Variants in GINS1 observed in about 807,000 individuals in gnomAD.
GINS1 encodes the protein GINS complex subunit 1, also known as DNA replication complex GINS protein PSF1.
A neutral mutation model predicts 34.9 loss-of-function variants in GINS1; 26 were observed. The observed-to-expected ratio is 0.74, with a 90% CI of 0.55 to 1.03. GINS1 has a LOEUF of 1.03. Ranked by LOEUF, GINS1 falls within the 50% of genes least tolerant of loss-of-function variation. The probability of loss-of-function intolerance (pLI) is 0.00; values close to 1 mark genes in which losing one functional copy is unlikely to be tolerated. For synonymous variants in GINS1, 97 were observed against 84.4 expected (o/e 1.15, Z -0.82); for missense variants, 235 against 237.9 (o/e 0.99, Z 0.08).
intron 5 of GINS1, among the ~76,000 whole-genome samples, chr20:25,441,211 G>C (rs1235371486): frequency 2.0e-5 from 3 of 152,172 alleles, no homozygotes; most frequent in African/African-American, 7.2e-5. Context: ...GGTGGCATCT[G>C]CTCCTCCATG....
chr20:25,419,422 C>T (rs903769719), intron 4 of GINS1, among the ~76,000 whole-genome samples: 6 of 151,948 alleles, frequency 3.9e-5, no homozygotes, highest in African/African-American at 1.4e-4. Flanking sequence ...GTTGTCATAG[C>T]TTCATTTTCA....
At chr20:25,442,037 G>A (rs2090484804) in intron 6 of GINS1, among the ~76,000 whole-genome samples, 1 of 152,114 alleles carries the variant, frequency 6.6e-6, no homozygotes. Context: ...ACCATAATCA[G>A]CCTTATTCTG....
chr20:25,426,259 T>G (rs1471659550), intron 5 of GINS1, among the ~76,000 whole-genome samples: 1 of 152,164 alleles, frequency 6.6e-6, no homozygotes, highest in Non-Finnish European at 1.5e-5. Context: ...GTATCTGTGG[T>G]AAGAATTTGT....
chr20:25,448,549 CTCCT>C lies in GINS1; in HGVS notation c.*2564_*2567del, dbSNP rs2090525297. 6.6e-6 allele frequency: 1 copy of C among 152,194 alleles called. No homozygotes were observed. The highest frequency in any genetic ancestry group is 6.5e-5 in the Admixed American group (1 of 15,274). 9.4% of individuals were successfully genotyped at this position (152,194 alleles called of 1,614,324 possible). A position where few individuals can be genotyped will look rare whatever the true frequency, so the allele number is the denominator to read the frequency against. The stretch of plus-strand genomic sequence containing the variant: ...TGTGTTCTATGAATAAAGAGTTTTA[CTCCT>C]TCCTTTCTAATCTGAATGCCTTTTA... On this transcript the variant is annotated 3_prime_UTR_variant, in exon 7 of 7. Transcript: ENST00000262460.
At chr20:25,414,502 A>G (rs1464655026) in intron 2 of GINS1, among the ~76,000 whole-genome samples, 4 of 152,158 alleles carry the variant, frequency 2.6e-5, no homozygotes, top group Admixed American at 2.0e-4. Context: ...AGTTGAGGCC[A>G]GGAGCCTGGA....
intron 5 of GINS1, among the ~76,000 whole-genome samples, chr20:25,436,674 A>T (rs2090456480): frequency 6.6e-6 from 1 of 151,898 alleles, no homozygotes; most frequent in Non-Finnish European, 1.5e-5. Flanking sequence ...CTATTTCTCT[A>T]CTATTTCCAT....
intron 5 of GINS1, among the ~76,000 whole-genome samples, chr20:25,429,258 G>A (rs573410447): frequency 1.4e-4 from 21 of 152,090 alleles, no homozygotes; most frequent in East Asian, 9.7e-4. Context: ...CCAGAGTGCC[G>A]GATTACAGGC....
intron 6 of GINS1, among the ~76,000 whole-genome samples, chr20:25,445,612 G>T (rs372420447): frequency 3.3e-5 from 5 of 152,166 alleles, no homozygotes; most frequent in Admixed American, 6.5e-5. Flanking sequence ...CTCCCAAAGT[G>T]CTGGGATTAT....
chr20:25,440,810 CAAAAAAAAA>C lies in GINS1; in HGVS notation c.448-878_448-870del, dbSNP rs60014594. Among the ~76,000 whole-genome samples the C allele has an allele frequency of 4.0e-3, 278 of 69,112 alleles. 1 individual carries two copies. The highest frequency in any genetic ancestry group is 0.01 in the African/African-American group (264 of 25,600). 45.3% of individuals were successfully genotyped at this position (69,112 alleles called of 152,430 possible). ...TGGGCAACAGAGCAAGACTCTGTCT[CAAAAAAAAA>C]AAAAAAAAAAAAAGAAAGAAAAAAC... On this transcript the variant is annotated intron_variant, in intron 5 of 6. Coordinates refer to ENST00000262460, the MANE Select transcript of GINS1 (RefSeq NM_021067.5).
At chr20:25,429,440 C>T (rs1196224496) in intron 5 of GINS1, among the ~76,000 whole-genome samples, 2 of 152,164 alleles carry the variant, frequency 1.3e-5, no homozygotes, top group African/African-American at 4.8e-5. Context: ...ATTAAATCTT[C>T]CAATCCATGA....
rs901983389 is a variant in GINS1, at chr20:25,446,913, A to T, written c.*922A>T. 13 of 151,768 alleles carry T rather than the reference A, an allele frequency of 8.6e-5. No homozygotes were observed. The highest frequency in any genetic ancestry group is 1.6e-4 in the Non-Finnish European group (11 of 67,976). 9.4% of individuals were successfully genotyped at this position (151,768 alleles called of 1,614,324 possible). On this transcript the variant is annotated 3_prime_UTR_variant, in exon 7 of 7. Coordinates refer to ENST00000262460, the MANE Select transcript of GINS1 (RefSeq NM_021067.5). ...TGTTCTTTTATGCTTTGGGTGTTGC[A>T]TCCGAGAAATCTTTTCCCATCCCAA...
intron 5 of GINS1, among the ~76,000 whole-genome samples, chr20:25,438,234 C>T (rs1027884271): frequency 2.0e-5 from 3 of 151,916 alleles, no homozygotes; most frequent in African/African-American, 7.3e-5. Flanking sequence ...CCATTTCCCA[C>T]TAAAGTAAAC....
At chr20:25,437,956 T>C (rs1225950758) in intron 5 of GINS1, among the ~76,000 whole-genome samples, 1 of 151,852 alleles carries the variant, frequency 6.6e-6, no homozygotes, top group East Asian at 1.9e-4. Flanking sequence ...CCATCTCTAC[T>C]AAAAATACAA....
chr20:25,411,778 A>G (rs373120649), intron 1 of GINS1, among the ~76,000 whole-genome samples: 1 of 152,182 alleles, frequency 6.6e-6, no homozygotes, highest in South Asian at 2.1e-4. Flanking sequence ...CCCTGTCTCT[A>G]CTAAAAATAC....
chr20:25,441,884 G>C (rs1374650797), intron 6 of GINS1, 108 bp downstream of exon 6: 1 of 632,670 alleles, frequency 1.6e-6, no homozygotes, highest in Middle Eastern at 4.3e-4. Context: ...TTATATATTA[G>C]GCATTATCTT....
chr20:25,420,661 T>C lies in GINS1; in HGVS notation c.330+2466T>C, dbSNP rs2090349171. ...TGGGTGTGGTGGTGTGCACCTGTAA[T>C]CCCAGCTGGTCAGGGAGGCTGAGGG... On this transcript the variant is annotated intron_variant, in intron 4 of 6. Transcript: ENST00000262460. Among the ~76,000 whole-genome samples the C allele has an allele frequency of 2.0e-5, 3 of 151,702 alleles. No individual in the cohort carries two copies. In the South Asian group the frequency reaches 6.2e-4, roughly 32 times the overall value.
intron 6 of GINS1, among the ~76,000 whole-genome samples, chr20:25,444,021 GT>G (rs1430304087): frequency 3.3e-5 from 1 of 30,262 alleles, no homozygotes; most frequent in Non-Finnish European, 6.4e-5. Context: ...TCTATCTATG[GT>G]TTTTTTCGAG....
Position 25,417,542 on chromosome 20 carries a change from A to AT in GINS1, c.239+346dup, listed in dbSNP as rs1383343323. Reference sequence around the variant, plus strand: ...TACTGAATACGGTAGTGTTCTTACTATTTTTTCTTTGTCTTAGAAATAAGG... The same window carrying AT: ...TACTGAATACGGTAGTGTTCTTACTATTTTTTTCTTTGTCTTAGAAATAAGG... On this transcript the variant is annotated intron_variant, in intron 3 of 6. Coordinates refer to ENST00000262460, the MANE Select transcript of GINS1 (RefSeq NM_021067.5). Among the ~76,000 whole-genome samples the AT allele has an allele frequency of 2.6e-5, 4 of 151,794 alleles. 1 individual carries two copies. Among genetic ancestry groups the AT allele is most frequent in the South Asian group, 4.2e-4 (2 of 4,798 alleles).
At chr20:25,420,616 C>G (rs1213072057) in intron 4 of GINS1, among the ~76,000 whole-genome samples, 1 of 151,708 alleles carries the variant, frequency 6.6e-6, no homozygotes, top group Non-Finnish European at 1.5e-5. Context: ...CCTGTTTCTA[C>G]TAAAAATACA....
Sources: allele counts gnomAD v4.1 joint callset (sites outside exome capture counted in the v4.1 genomes callset), GRCh38; gene constraint gnomAD v4.1.1; transcripts MANE v1.5; gene names NCBI Gene and HGNC (gene_info 2026-07-23, HGNC 2026-07-21).